CMTM4: variants seen among roughly 807,000 people sequenced by gnomAD.
CMTM4 encodes CKLF like MARVEL transmembrane domain containing 4.
In CMTM4, 8 loss-of-function variants were observed where a neutral mutation model predicts 19.0. The ratio of observed to expected loss-of-function variants is 0.42; its 90% CI spans 0.25 to 0.76. The LOEUF is 0.76. CMTM4 is among the 30% of genes least tolerant of loss of function. The pLI is 0.27. For synonymous variants in CMTM4, 106 were observed against 121.1 expected, an observed-to-expected ratio of 0.88 and a Z score of 0.82; for missense variants, 228 against 290.2, an observed-to-expected ratio of 0.79 and a Z score of 1.56.
intron 1 of CMTM4, among the ~76,000 whole-genome samples, chr16:66,683,109 T>TTG (rs540380218): frequency 0.029 from 3,770 of 132,134 alleles, 153 homozygotes; most frequent in East Asian, 0.09. Flanking sequence ...TAGAGTCTAG[T>TTG]TGTGTGTGTG....
chr16:66,615,160 G>A lies in CMTM4; in HGVS notation c.*6898C>T, dbSNP rs1480900839. On this transcript the variant is annotated 3_prime_UTR_variant, in exon 4 of 4. Coordinates refer to ENST00000394106, the MANE Select transcript of CMTM4 (RefSeq NM_181521.3). The surrounding 1 kb of genome is among the most constrained non-coding windows in gnomAD (Gnocchi z 4.9). ...GTGTCTTTAAACTGCCGAAATGAAA[G>A]AGACTTGATGAGTAAAATGTGATAG... 1.9e-4 allele frequency: 29 copies of A among 152,244 alleles called. No individual in the cohort carries two copies. The highest frequency in any genetic ancestry group is 1.9e-3 in the Admixed American group (29 of 15,288). 9.4% of individuals were successfully genotyped at this position (152,244 alleles called of 1,614,324 possible).
At chr16:66,627,165 T>C (rs950894162) in intron 2 of CMTM4, among the ~76,000 whole-genome samples, 2 of 152,176 alleles carry the variant, frequency 1.3e-5, no homozygotes, top group African/African-American at 4.8e-5. Context: ...GCAAACAAAG[T>C]GCTCAATAGG....
chr16:66,695,006 CCA>C (rs2017205140), intron 1 of CMTM4, among the ~76,000 whole-genome samples: 1 of 152,078 alleles, frequency 6.6e-6, no homozygotes, highest in South Asian at 2.1e-4. Context: ...TAAAGGGTAT[CCA>C]CACATTATAT....
At chr16:66,669,343 A>C (rs971882922) in intron 1 of CMTM4, among the ~76,000 whole-genome samples, 6 of 152,140 alleles carry the variant, frequency 3.9e-5, no homozygotes, top group Non-Finnish European at 7.4e-5. Context: ...GGAACGAGGA[A>C]GTTTTGTGGG....
At chr16:66,683,361 G>C (rs1336298773) in intron 1 of CMTM4, among the ~76,000 whole-genome samples, 1 of 126,622 alleles carries the variant, frequency 7.9e-6, no homozygotes, top group Non-Finnish European at 1.6e-5. Context: ...GCGTGATCTC[G>C]GCTCACTGCA....
At position 66,617,394 on chromosome 16, in the gene CMTM4, C is replaced by T; in HGVS notation, c.*4664G>A. The T allele has an allele frequency of 6.2e-7, 1 of 1,604,736 alleles. No individual in the cohort carries two copies. The highest frequency in any genetic ancestry group is 8.5e-7 in the Non-Finnish European group (1 of 1,175,040). The stretch of plus-strand genomic sequence containing the variant: ...AAAAAAAATCCCAAAGGTTGAAAAA[C>T]TGTATCCAAATGGAAAAAGAATATA... On this transcript the variant is annotated 3_prime_UTR_variant, in exon 4 of 4. Coordinates refer to ENST00000394106, the MANE Select transcript of CMTM4 (RefSeq NM_181521.3).
intron 2 of CMTM4, among the ~76,000 whole-genome samples, chr16:66,634,800 C>T (rs542624082): frequency 1.6e-4 from 25 of 152,220 alleles, no homozygotes; most frequent in South Asian, 4.1e-4. Flanking sequence ...CTCCACTTTA[C>T]CAGTGCTGAC....
At position 66,636,474 on chromosome 16, in the gene CMTM4, A is replaced by G; in HGVS notation, c.294T>C (p.Thr98=). The change falls in exon 2 of 4, where the codon ACT becomes ACC. Residue 98 remains threonine (T), a synonymous_variant. Transcript: ENST00000394106. ...GACTGAACATAATCAGCAAGACGCC[A>G]GTCACCACAAACGCACTGCAGCTCA... The part of the protein sequence containing the change: ...EFVSCSAFVV[T]GVLLIMFSLN... The G allele has an allele frequency of 6.2e-7, 1 of 1,614,196 alleles. No individual in the cohort carries two copies. The highest frequency in any genetic ancestry group is 8.5e-7 in the Non-Finnish European group (1 of 1,180,028).
chr16:66,625,507 T>G (rs1256408079), intron 2 of CMTM4, among the ~76,000 whole-genome samples: 1 of 152,086 alleles, frequency 6.6e-6, no homozygotes, highest in African/African-American at 2.4e-5. Flanking sequence ...TCAGTAGTTT[T>G]AAATTTGCTT....
intron 1 of CMTM4, among the ~76,000 whole-genome samples, chr16:66,690,451 T>C (rs565083477): frequency 6.6e-6 from 1 of 152,322 alleles, no homozygotes; most frequent in African/African-American, 2.4e-5. Context: ...TTTCTCAAAG[T>C]TGCAGCTTTG....
chr16:66,695,302 G>A (rs983972786), intron 1 of CMTM4, among the ~76,000 whole-genome samples: 1 of 152,142 alleles, frequency 6.6e-6, no homozygotes, highest in African/African-American at 2.4e-5. Flanking sequence ...AGCCACGATC[G>A]CACCAGTGCA....
chr16:66,601,420 T>C, the CMTM4 span, among the ~76,000 whole-genome samples: 1 of 152,142 alleles, frequency 6.6e-6, no homozygotes, highest in African/African-American at 2.4e-5. Context: ...GTGGCTCCTC[T>C]CTGTACCTGG....
chr16:66,632,854 G>A (rs929243135), intron 2 of CMTM4, among the ~76,000 whole-genome samples: 9 of 151,818 alleles, frequency 5.9e-5, no homozygotes, highest in East Asian at 3.9e-4. Flanking sequence ...AGGCTGAGGC[G>A]GGCAGGTCAC....
chr16:66,678,962 G>A lies in CMTM4; in HGVS notation c.186+17378C>T, dbSNP rs897236554. Among the ~76,000 whole-genome samples the A allele has an allele frequency of 3.3e-5, 5 of 151,936 alleles. No homozygotes were observed. The East Asian group carries it at 9.7e-4, about 29-fold the overall frequency. The stretch of plus-strand genomic sequence containing the variant: ...TACAAAATGTACAAAAATTAGGCAT[G>A]GTGGTGCACGCCTGTGGTCCCAGCT... On this transcript the variant is annotated intron_variant, in intron 1 of 3. Transcript: ENST00000394106.
In CMTM4 at chr16:66,696,268, C is replaced by A; in HGVS notation, c.186+72G>T. On this transcript the variant is annotated intron_variant, in intron 1 of 3. Coordinates refer to ENST00000394106, the MANE Select transcript of CMTM4 (RefSeq NM_181521.3). The surrounding 1 kb of genome is among the most constrained non-coding windows in gnomAD (Gnocchi z 4.3). ...GGCAAGCGGGTACGCGGCGGAGGCC[C>A]CGCAGCGGGGCGGGGAGGGAGGCGT... 1 of 1,133,228 alleles carries A rather than the reference C, an allele frequency of 8.8e-7. No homozygotes were observed. The highest frequency in any genetic ancestry group is 1.1e-6 in the Non-Finnish European group (1 of 890,604). 70.2% of individuals were successfully genotyped at this position (1,133,228 alleles called of 1,614,324 possible).
At chr16:66,659,176 T>C (rs1464923554) in intron 1 of CMTM4, among the ~76,000 whole-genome samples, 1 of 151,902 alleles carries the variant, frequency 6.6e-6, no homozygotes, top group Non-Finnish European at 1.5e-5. Context: ...GGTCAGGAGT[T>C]TGAGACCAGC....
intron 1 of CMTM4, among the ~76,000 whole-genome samples, chr16:66,681,918 CCTT>C (rs2144905039): frequency 6.6e-6 from 1 of 152,332 alleles, no homozygotes; most frequent in East Asian, 1.9e-4. Flanking sequence ...GGCACACCCT[CCTT>C]ATTCCAGGCA....
intron 1 of CMTM4, among the ~76,000 whole-genome samples, chr16:66,645,546 C>A (rs935868053): frequency 6.6e-6 from 1 of 152,070 alleles, no homozygotes; most frequent in Non-Finnish European, 1.5e-5. Context: ...CACTGCATTC[C>A]AGCCTGGGCG....
intron 2 of CMTM4, among the ~76,000 whole-genome samples, chr16:66,634,042 G>C (rs182036197): frequency 7.7e-4 from 118 of 152,286 alleles, no homozygotes; most frequent in Admixed American, 1.2e-3. Context: ...CCTGGGGAGA[G>C]ATGCACCTCA....
Sources: gnomAD v4.1 joint callset for allele counts (sites outside exome capture counted in the v4.1 genomes callset) on GRCh38, gnomAD v4.1.1 for gene constraint, Gnocchi (gnomAD v3.1) non-coding constraint, MANE v1.5 for transcripts, NCBI Gene and HGNC (gene_info 2026-07-23, HGNC 2026-07-21) for gene names.